INTU: variants seen among roughly 807,000 people sequenced by gnomAD.
The protein encoded by INTU is inturned planar cell polarity protein, also known as protein inturned.
In INTU, 68 loss-of-function variants were observed where a neutral mutation model predicts 100.5. The observed-to-expected ratio is 0.68, with a 90% CI of 0.56 to 0.83. INTU has a LOEUF of 0.83. Ranked by LOEUF, INTU falls within the 40% of genes least tolerant of loss-of-function variation. The probability of loss-of-function intolerance (pLI) is 0.00; values close to 1 mark genes in which losing one functional copy is unlikely to be tolerated. For synonymous variants in INTU, 357 were observed against 395.7 expected, an observed-to-expected ratio of 0.90 and a Z score of 1.16; for missense variants, 1,071 against 1,114.7, an observed-to-expected ratio of 0.96 and a Z score of 0.56.
chr4:127,661,140 C>T (rs188263321), intron 3 of INTU, among the ~76,000 whole-genome samples: 2 of 152,162 alleles, frequency 1.3e-5, no homozygotes, highest in Admixed American at 1.3e-4. Flanking sequence ...ATGGATGGTT[C>T]GGTGGTGTGT....
At chr4:127,674,293 T>C (rs981470511) in intron 6 of INTU, 80 bp downstream of exon 6, 8 of 1,122,994 alleles carry the variant, frequency 7.1e-6, no homozygotes, top group Non-Finnish European at 1.0e-5. Flanking sequence ...TACATTTTTG[T>C]CAAAAGACAA....
intron 6 of INTU, among the ~76,000 whole-genome samples, chr4:127,678,486 A>G (rs1299263042): frequency 6.6e-6 from 1 of 152,224 alleles, no homozygotes; most frequent in Non-Finnish European, 1.5e-5. Context: ...CCAGAATTTC[A>G]TATCCAGCCA....
At chr4:127,672,701 A>G (rs757716917) in intron 5 of INTU, among the ~76,000 whole-genome samples, 7 of 152,086 alleles carry the variant, frequency 4.6e-5, no homozygotes, top group Non-Finnish European at 8.8e-5. Flanking sequence ...TAATATTAGT[A>G]TACTATAAGA....
At chr4:127,633,439 C>A (rs1578514915) in intron 1 of INTU, among the ~76,000 whole-genome samples, 1 of 152,104 alleles carries the variant, frequency 6.6e-6, no homozygotes, top group African/African-American at 2.4e-5. Flanking sequence ...AGAATCTCCT[C>A]TTTTTGGTCA....
At chr4:127,671,916 T>C (rs924239335) in intron 5 of INTU, among the ~76,000 whole-genome samples, 4 of 151,964 alleles carry the variant, frequency 2.6e-5, no homozygotes, top group Admixed American at 2.6e-4. Context: ...AAGTCAAATA[T>C]CACATATTCT....
At chr4:127,656,991 C>T (rs1393201142) in intron 3 of INTU, among the ~76,000 whole-genome samples, 1 of 152,094 alleles carries the variant, frequency 6.6e-6, no homozygotes, top group African/African-American at 2.4e-5. Context: ...TGCAAACTTG[C>T]CATTATAACT....
chr4:127,672,358 T>A (rs1578575780), intron 5 of INTU, among the ~76,000 whole-genome samples: 1 of 152,124 alleles, frequency 6.6e-6, no homozygotes, highest in African/African-American at 2.4e-5. Context: ...AATGGAATCA[T>A]ATAATGTGTG....
intron 2 of INTU, among the ~76,000 whole-genome samples, chr4:127,651,362 T>G (rs1267655652): frequency 2.0e-5 from 3 of 152,264 alleles, no homozygotes; most frequent in Non-Finnish European, 4.4e-5. Flanking sequence ...GTCTAAGGTT[T>G]AAGGCTTTAA....
intron 5 of INTU, among the ~76,000 whole-genome samples, chr4:127,671,503 C>T (rs916138223): frequency 7.9e-5 from 12 of 152,178 alleles, no homozygotes; most frequent in African/African-American, 2.6e-4. Flanking sequence ...AATGCTTATA[C>T]AGTGCTGGTG....
chr4:127,704,155 C>A, intron 9 of INTU, 73 bp from the exon 10 acceptor site: 1 of 1,215,984 alleles, frequency 8.2e-7, no homozygotes, highest in Non-Finnish European at 1.2e-6. Context: ...TTCATTTTAA[C>A]TATTATAGCT....
chr4:127,669,618 A>G (rs917199158), intron 5 of INTU, among the ~76,000 whole-genome samples: 4 of 151,874 alleles, frequency 2.6e-5, no homozygotes, highest in African/African-American at 9.7e-5. Context: ...AAAATTGGTC[A>G]TATAGTTAGG....
Position 127,691,962 on chromosome 4 carries a change from G to GTGTATATATATA in INTU, c.1449+4096_1449+4097insGTATATATATAT. Among the ~76,000 whole-genome samples the GTGTATATATATA allele has an allele frequency of 2.3e-3, 226 of 98,242 alleles. 41 individuals carry two copies. In the South Asian group the frequency reaches 0.024, roughly 11 times the overall value. The allele number at this position is 98,242 out of a possible 152,430, so 64.5% of individuals were successfully genotyped here. On this transcript the variant is annotated intron_variant, in intron 8 of 15. Transcript: ENST00000335251. ...GGCGGAGTATAGTGTTCCATGGTAT[G>GTGTATATATATA]TATATATATATATATATATGTCACA... is the stretch of plus-strand genomic sequence containing the variant.
intron 12 of INTU, 31 bp from the exon 13 acceptor site, chr4:127,708,540 A>T: frequency 8.7e-7 from 1 of 1,145,966 alleles, no homozygotes; most frequent in African/African-American, 1.5e-5. Context: ...ATTCTTAGAT[A>T]TAAACTGATC....
At chr4:127,691,962 G>GTGTGTGTGTATATATATATATA in intron 8 of INTU, among the ~76,000 whole-genome samples, 1 of 98,230 alleles carries the variant, frequency 1.0e-5, no homozygotes, top group African/African-American at 4.0e-5. Context: ...TCCATGGTAT[G>GTGTGTGTGTATATATATATATA]TATATATATA....
At position 127,653,116 on chromosome 4, in the gene INTU, T is replaced by G. The variant is rs1470090329; in HGVS notation, c.683-3520T>G. Among the ~76,000 whole-genome samples the G allele has an allele frequency of 4.6e-5, 7 of 150,736 alleles. No homozygotes were observed. The East Asian group carries it at 9.7e-4, about 21-fold the overall frequency. On this transcript the variant is annotated intron_variant, in intron 2 of 15. Transcript: ENST00000335251. ...GTCTATTTGATTCTTCTCTCTTTTTTTCTTTATTAGTCTTGCTAGTGGTCT... is the reference window on the plus strand; with the variant it reads ...GTCTATTTGATTCTTCTCTCTTTTTGTCTTTATTAGTCTTGCTAGTGGTCT...
At chr4:127,645,200 G>A (rs1182150556) in intron 2 of INTU, among the ~76,000 whole-genome samples, 1 of 152,228 alleles carries the variant, frequency 6.6e-6, no homozygotes, top group African/African-American at 2.4e-5. Context: ...TGTGCTCTGT[G>A]TCATTGAATC....
In INTU at chr4:127,674,190, G is replaced by C; in HGVS notation, c.1158G>C (p.Leu386Phe). ...VAYWKESDKL[L>F]LIGLPAEEVP... ...ATTGGAAAGAATCTGACAAGTTGTTGCTAATTGGCCTGCCTGCTGAAGAGT... is the reference window on the plus strand; with the variant it reads ...ATTGGAAAGAATCTGACAAGTTGTTCCTAATTGGCCTGCCTGCTGAAGAGT... Residue 386 changes from leucine (L) to phenylalanine (F), a missense_variant, in exon 6 of 16, where the codon TTG (leucine) becomes TTC (phenylalanine). Physicochemically the swap from Leu to Phe is conservative, Grantham distance 22. Transcript: ENST00000335251. 1 of 1,611,652 alleles carries C rather than the reference G, an allele frequency of 6.2e-7. No individual in the cohort carries two copies. Among genetic ancestry groups the C allele is most frequent in the Non-Finnish European group, 8.5e-7 (1 of 1,178,928 alleles).
In INTU at chr4:127,723,972, C is replaced by CA. The variant is rs10714259; in HGVS notation, c.*7547dup. 2,056 of 149,008 alleles carry CA rather than the reference C, an allele frequency of 0.014. 32 individuals are homozygous for CA. The highest frequency in any genetic ancestry group is 0.049 in the Admixed American group (727 of 14,948). 9.2% of individuals were successfully genotyped at this position (149,008 alleles called of 1,614,324 possible). On this transcript the variant is annotated 3_prime_UTR_variant, in exon 16 of 16. Coordinates refer to ENST00000335251, the MANE Select transcript of INTU (RefSeq NM_015693.4). Reference sequence around the variant, plus strand: ...TGGGCAACACAGTGAGACCCTGTCTCAAAAAAAAAAATCACATTCAAGTAT... The same window carrying CA: ...TGGGCAACACAGTGAGACCCTGTCTCAAAAAAAAAAAATCACATTCAAGTAT...
intron 1 of INTU, among the ~76,000 whole-genome samples, chr4:127,636,385 C>T (rs1727071428): frequency 6.6e-6 from 1 of 151,960 alleles, no homozygotes; most frequent in Non-Finnish European, 1.5e-5. Flanking sequence ...CCGAGGCGGG[C>T]AGATCACCTG....
Sources: allele counts gnomAD v4.1 joint callset (sites outside exome capture counted in the v4.1 genomes callset), GRCh38; gene constraint gnomAD v4.1.1; transcripts MANE v1.5; gene names NCBI Gene and HGNC (gene_info 2026-07-23, HGNC 2026-07-21).